The following SNRNP40 variants were observed in gnomAD, a reference collection of about 807,000 sequenced individuals.
The protein encoded by SNRNP40 is U5 small nuclear ribonucleoprotein 40 kDa protein.
A neutral mutation model predicts 45.8 loss-of-function variants in SNRNP40; 21 were observed. The ratio of observed to expected loss-of-function variants is 0.46; its 90% CI spans 0.32 to 0.66. The LOEUF (loss-of-function observed/expected upper bound fraction) is 0.66. Ranked by LOEUF, SNRNP40 falls within the 30% of genes least tolerant of loss-of-function variation. SNRNP40 has a pLI of 0.03. For missense variants in SNRNP40, 344 were observed against 439.1 expected (o/e 0.78, Z 1.94); for synonymous variants, 142 against 163.8 (o/e 0.87, Z 1.01).
chr1:31,260,191 T>A, intron 9 of SNRNP40, 70 bp from the exon 10 acceptor site: 8 of 1,046,020 alleles, frequency 7.6e-6, no homozygotes, highest in East Asian at 2.4e-5. Flanking sequence ...AGGGCTCTTG[T>A]GTCAAGAGCC....
At chr1:31,261,424 C>A in intron 9 of SNRNP40, 105 bp downstream of exon 9, 1 of 706,904 alleles carries the variant, frequency 1.4e-6, no homozygotes, top group South Asian at 1.8e-5. Context: ...AGGCTGTTTG[C>A]ATGGAAATTC....
chr1:31,262,590 A>C (rs1329833984), intron 8 of SNRNP40, among the ~76,000 whole-genome samples: 1 of 151,542 alleles, frequency 6.6e-6, no homozygotes, highest in African/African-American at 2.4e-5. Flanking sequence ...TATTTTAGAG[A>C]TAAGAAAACT....
At chr1:31,268,070 T>C (rs1355019471) in intron 7 of SNRNP40, 138 bp from the exon 8 acceptor site, 1 of 581,280 alleles carries the variant, frequency 1.7e-6, no homozygotes, top group Non-Finnish European at 3.1e-6. Context: ...AATTATCTTA[T>C]ATTCTATGGC....
intron 6 of SNRNP40, among the ~76,000 whole-genome samples, chr1:31,269,882 G>A (rs1645924931): frequency 6.6e-6 from 1 of 152,142 alleles, no homozygotes; most frequent in African/African-American, 2.4e-5. Flanking sequence ...AAAATTATCT[G>A]TCTTCTTTTT....
intron 8 of SNRNP40, among the ~76,000 whole-genome samples, chr1:31,265,213 C>T (rs1438011930): frequency 6.6e-6 from 1 of 152,188 alleles, no homozygotes; most frequent in Admixed American, 6.5e-5. Flanking sequence ...TATCCTCAAA[C>T]TCCTGGGCTC....
At chr1:31,272,056 A>G (rs1446609082) in intron 5 of SNRNP40, among the ~76,000 whole-genome samples, 1 of 152,218 alleles carries the variant, frequency 6.6e-6, no homozygotes, top group Non-Finnish European at 1.5e-5. Flanking sequence ...CAGAAAGGTT[A>G]TTTTCAAATC....
chr1:31,287,948 G>T (rs1646072377), intron 4 of SNRNP40, among the ~76,000 whole-genome samples: 1 of 152,148 alleles, frequency 6.6e-6, no homozygotes, highest in Non-Finnish European at 1.5e-5. Context: ...AGTGAGCTGA[G>T]ATTGCGCCAC....
Position 31,267,937 on chromosome 1 carries a change from G to A in SNRNP40, c.859-5C>T. 4 of 1,608,330 alleles carry A rather than the reference G, an allele frequency of 2.5e-6. No individual in the cohort carries two copies. Among genetic ancestry groups the A allele is most frequent in the African/African-American group, 1.3e-5 (1 of 74,892 alleles). On this transcript the variant is annotated splice_region_variant and splice_polypyrimidine_tract_variant and intron_variant, in intron 7 of 9. Coordinates refer to ENST00000263694, the MANE Select transcript of SNRNP40 (RefSeq NM_004814.3). ...CCAAGAACATCTCAGAAGGTTCTAT[G>A]ATAAACAAGAATCCACTGAATAGTA...
intron 1 of SNRNP40, among the ~76,000 whole-genome samples, chr1:31,296,290 G>A (rs997397709): frequency 5.3e-5 from 8 of 152,052 alleles, no homozygotes; most frequent in African/African-American, 1.9e-4. Context: ...CACACTCTTC[G>A]GAATTTTTGT....
At chr1:31,261,392 C>T in intron 9 of SNRNP40, 137 bp downstream of exon 9, 1 of 633,220 alleles carries the variant, frequency 1.6e-6, no homozygotes, top group Non-Finnish European at 2.8e-6. Flanking sequence ...AAACCAACAA[C>T]AACAACAACA....
chr1:31,282,201 T>C (rs1018516188), intron 4 of SNRNP40: 1 of 152,186 alleles, frequency 6.6e-6, no homozygotes, highest in African/African-American at 2.4e-5. Context: ...TATTTCTTAT[T>C]GTCAAAGAAT....
At chr1:31,265,673 T>C (rs1167904158) in intron 8 of SNRNP40, among the ~76,000 whole-genome samples, 2 of 152,034 alleles carry the variant, frequency 1.3e-5, no homozygotes, top group Non-Finnish European at 2.9e-5. Context: ...ACTCCATCTC[T>C]ACTAAAAATA....
In SNRNP40 at chr1:31,296,687, T is replaced by C. The variant is rs764736186; in HGVS notation, c.65A>G (p.His22Arg). The change falls in exon 1 of 10, where the codon CAT becomes CGT. Residue 22 changes from histidine (H) to arginine (R), a missense_variant. Coordinates refer to ENST00000263694, the MANE Select transcript of SNRNP40 (RefSeq NM_004814.3). ...AGACCCCGCTCCCAACAGCAACTCA[T>C]GCCGCTGCCGCTTGACTGGAACCAG... ...LPLVPVKRQR[H>R]ELLLGAGSGP... The C allele has an allele frequency of 1.4e-5, 23 of 1,613,952 alleles. No individual in the cohort carries two copies. In the East Asian group the frequency reaches 3.6e-4, roughly 25 times the overall value.
chr1:31,262,571 T>C (rs1330197891), intron 8 of SNRNP40, among the ~76,000 whole-genome samples: 1 of 145,260 alleles, frequency 6.9e-6, no homozygotes, highest in Non-Finnish European at 1.5e-5. Flanking sequence ...TCAGCTTCTC[T>C]AAACTCCTTA....
intron 4 of SNRNP40, among the ~76,000 whole-genome samples, chr1:31,286,738 T>C (rs1369068160): frequency 1.3e-5 from 2 of 152,192 alleles, no homozygotes; most frequent in Non-Finnish European, 2.9e-5. Flanking sequence ...CTGTGTTGTA[T>C]GGATGCCTTC....
chr1:31,264,463 ACTAGCTAAGTAAG>A (rs1645882591), intron 8 of SNRNP40, among the ~76,000 whole-genome samples: 2 of 152,216 alleles, frequency 1.3e-5, no homozygotes, highest in Non-Finnish European at 2.9e-5. Flanking sequence ...GCAGCTATTT[ACTAGCTAAGTAAG>A]CTTAGCTCAG....
chr1:31,279,453 T>G (rs1646000426), intron 5 of SNRNP40, among the ~76,000 whole-genome samples: 1 of 152,224 alleles, frequency 6.6e-6, no homozygotes, highest in South Asian at 2.1e-4. Flanking sequence ...ATCATCATCC[T>G]TTTTAAGAAG....
At chr1:31,291,865 C>T in intron 3 of SNRNP40, 48 bp downstream of exon 3, 1 of 1,249,406 alleles carries the variant, frequency 8.0e-7, no homozygotes, top group Admixed American at 1.9e-5. Context: ...TGAAAGGACG[C>T]CAAGAATTAG....
At chr1:31,260,403 A>G (rs1645850152) in intron 9 of SNRNP40, among the ~76,000 whole-genome samples, 1 of 152,064 alleles carries the variant, frequency 6.6e-6, no homozygotes, top group Non-Finnish European at 1.5e-5. Context: ...CAGTCATTCT[A>G]GAAGAGAGGA....
Sources: gnomAD v4.1 joint callset for allele counts (sites outside exome capture counted in the v4.1 genomes callset) on GRCh38, gnomAD v4.1.1 for gene constraint, MANE v1.5 for transcripts, NCBI Gene and HGNC (gene_info 2026-07-23, HGNC 2026-07-21) for gene names.